Variants in PLEKHG1 observed in about 807,000 individuals in gnomAD.
PLEKHG1 encodes the protein pleckstrin homology domain-containing family G member 1.
PLEKHG1 carries 44 observed loss-of-function variants against 100.8 expected under a neutral mutation model. The observed-to-expected ratio is 0.44, with a 90% CI of 0.34 to 0.56. PLEKHG1 has a LOEUF of 0.56. PLEKHG1 is among the 20% of genes least tolerant of loss of function. The probability of loss-of-function intolerance (pLI) is 0.01; values close to 1 mark genes in which losing one functional copy is unlikely to be tolerated. For missense variants in PLEKHG1, 1,545 were observed against 1,720.9 expected, an observed-to-expected ratio of 0.90 and a Z score of 1.81; for synonymous variants, 640 against 662.5, an observed-to-expected ratio of 0.97 and a Z score of 0.52.
chr6:150,839,529 T>C (rs117755149), intron 15 of PLEKHG1, among the ~76,000 whole-genome samples: 3,039 of 152,332 alleles, frequency 0.02, 41 homozygotes, highest in Non-Finnish European at 0.031. Flanking sequence ...TTTATGCTTA[T>C]AAAGAACACT....
chr6:150,607,768 G>A (rs1441398671), intron 1 of PLEKHG1, among the ~76,000 whole-genome samples: 1 of 152,144 alleles, frequency 6.6e-6, no homozygotes, highest in Non-Finnish European at 1.5e-5. Flanking sequence ...TCTTGATGAG[G>A]AATAGCGAGG....
chr6:150,658,529 T>C (rs776959125), intron 3 of PLEKHG1, among the ~76,000 whole-genome samples: 13 of 152,218 alleles, frequency 8.5e-5, no homozygotes, highest in Non-Finnish European at 7.3e-5. Flanking sequence ...AGACTCTTAG[T>C]CAAATGCTTG....
chr6:150,736,630 A>T (rs1782576312), intron 2 of PLEKHG1, among the ~76,000 whole-genome samples: 1 of 152,090 alleles, frequency 6.6e-6, no homozygotes, highest in African/African-American at 2.4e-5. Context: ...TTAGCCGGGC[A>T]TGGTGGTGCA....
chr6:150,651,472 G>A (rs926049918), intron 3 of PLEKHG1, among the ~76,000 whole-genome samples: 8 of 152,216 alleles, frequency 5.3e-5, no homozygotes, highest in Middle Eastern at 3.4e-3. Flanking sequence ...GACCTCAAGT[G>A]AGCCATCCAC....
intron 3 of PLEKHG1, among the ~76,000 whole-genome samples, chr6:150,702,769 TA>T (rs1780851073): frequency 6.6e-6 from 1 of 152,192 alleles, no homozygotes; most frequent in African/African-American, 2.4e-5. Flanking sequence ...ACAGACTTTC[TA>T]AATCTATCTA....
At chr6:150,674,937 C>T (rs995292387) in intron 3 of PLEKHG1, among the ~76,000 whole-genome samples, 2 of 152,126 alleles carry the variant, frequency 1.3e-5, no homozygotes, top group Non-Finnish European at 2.9e-5. Context: ...CCTGCTTCAG[C>T]CTCCCAGAGT....
At chr6:150,605,878 A>C (rs186438063) in intron 1 of PLEKHG1, 1 of 152,338 alleles carries the variant, frequency 6.6e-6, no homozygotes, top group East Asian at 1.9e-4. Context: ...AGTTGTGAAA[A>C]GTGTGTTCTA....
At chr6:150,722,694 G>T (rs748801903) in intron 1 of PLEKHG1, among the ~76,000 whole-genome samples, 1 of 152,068 alleles carries the variant, frequency 6.6e-6, no homozygotes, top group Non-Finnish European at 1.5e-5. Flanking sequence ...GTACTTCATG[G>T]ATTTATTTGT....
chr6:150,747,970 C>A (rs928815594), intron 2 of PLEKHG1, among the ~76,000 whole-genome samples: 2 of 152,014 alleles, frequency 1.3e-5, no homozygotes, highest in African/African-American at 2.4e-5. Context: ...TGTTGTACAA[C>A]CATCACCACC....
intron 3 of PLEKHG1, among the ~76,000 whole-genome samples, chr6:150,770,611 A>G (rs1003750270): frequency 6.6e-6 from 1 of 152,200 alleles, no homozygotes; most frequent in Non-Finnish European, 1.5e-5. Flanking sequence ...GCCATGGTTG[A>G]GATACACAGT....
intron 9 of PLEKHG1, 75 bp downstream of exon 10, chr6:150,809,551 G>T: frequency 1.3e-6 from 2 of 1,516,482 alleles, no homozygotes; most frequent in Non-Finnish European, 1.8e-6. Flanking sequence ...GTGGCTTTTT[G>T]AGAGCGTTCT....
chr6:150,829,322 T>C (rs1396572854), intron 14 of PLEKHG1, among the ~76,000 whole-genome samples: 4 of 152,200 alleles, frequency 2.6e-5, no homozygotes, highest in African/African-American at 9.6e-5. Context: ...TGATTAGAAA[T>C]CACTAATTTG....
intron 3 of PLEKHG1, chr6:150,664,214 G>C (rs2128581872): frequency 6.6e-6 from 1 of 152,298 alleles, no homozygotes; most frequent in African/African-American, 2.4e-5. Flanking sequence ...TGTGCACCAG[G>C]AGACAGAAAC....
intron 1 of PLEKHG1, among the ~76,000 whole-genome samples, chr6:150,611,799 G>A (rs1180017920): frequency 7.3e-6 from 1 of 136,966 alleles, no homozygotes; most frequent in East Asian, 2.1e-4. Context: ...GTGACAGAGT[G>A]AGACTCCATC....
rs114482997 is a variant in PLEKHG1 at position 150,839,785 on chromosome 6, A to T, written c.3095-48A>T. 1.5e-3 allele frequency: 1,687 copies of T among 1,129,478 alleles called. 36 individuals are homozygous for T. The African/African-American group carries it at 0.023, about 16-fold the overall frequency. The allele number at this position is 1,129,478 out of a possible 1,614,324, so 70.0% of individuals were successfully genotyped here. A position where few individuals can be genotyped will look rare whatever the true frequency, so the allele number is the denominator to read the frequency against. On this transcript the variant is annotated intron_variant, in intron 15 of 15. Coordinates refer to ENST00000358517, the Ensembl canonical transcript of PLEKHG1. ...ATTCTCTTATTTTTAATCTTCACGT[A>T]TAGGAATTATCCTGTGTGTATTTAC...
chr6:150,611,655 T>C (rs1412292012), intron 1 of PLEKHG1, among the ~76,000 whole-genome samples: 1 of 151,888 alleles, frequency 6.6e-6, no homozygotes, highest in Non-Finnish European at 1.5e-5. Flanking sequence ...GTATTAAAAA[T>C]ACAAAAATTA....
chr6:150,665,800 T>C (rs1779375392), intron 3 of PLEKHG1, among the ~76,000 whole-genome samples: 1 of 152,038 alleles, frequency 6.6e-6, no homozygotes. Flanking sequence ...GCTTCTGGCA[T>C]TTGTCCCTTT....
At chr6:150,703,003 C>CA (rs1162830176) in intron 3 of PLEKHG1, among the ~76,000 whole-genome samples, 2 of 152,130 alleles carry the variant, frequency 1.3e-5, no homozygotes, top group African/African-American at 2.4e-5. Flanking sequence ...TCCTACAAAA[C>CA]AAAAAACCTC....
At position 150,706,992 on chromosome 6, in the gene PLEKHG1, C is replaced by CTTT. The variant is rs1276201707; in HGVS notation, c.-98-26589_-98-26587dup. Among the ~76,000 whole-genome samples, 96 of 58,456 alleles carry CTTT rather than the reference C, an allele frequency of 1.6e-3. 2 individuals are homozygous for CTTT. The highest frequency in any genetic ancestry group is 4.4e-3 in the African/African-American group (87 of 19,852). The allele number at this position is 58,456 out of a possible 152,430, so 38.3% of individuals were successfully genotyped here. A position where few individuals can be genotyped will look rare whatever the true frequency, so the allele number is the denominator to read the frequency against. ...TCTTTTTTTCTTTTCTTTTCTTTTT[C>CTTT]TTTTTCTTTTTTTTTTTTTTTTTTT... On this transcript the variant is annotated intron_variant, in intron 3 of 3. Transcript: ENST00000367326.
Sources: allele counts gnomAD v4.1 joint callset (sites outside exome capture counted in the v4.1 genomes callset), GRCh38; gene constraint gnomAD v4.1.1; transcripts MANE v1.5; gene names NCBI Gene and HGNC (gene_info 2026-07-23, HGNC 2026-07-21).